The following MYO16 variants were observed in gnomAD, a reference collection of about 807,000 sequenced individuals.
The protein encoded by MYO16 is unconventional myosin-XVI.
Under a neutral mutation model 205.3 loss-of-function variants are expected in MYO16, and 94 were observed. The observed-to-expected ratio is 0.46, with a 90% confidence interval of 0.39 to 0.54. The LOEUF (loss-of-function observed/expected upper bound fraction) is 0.54. Ranked by LOEUF, MYO16 falls within the 20% of genes least tolerant of loss-of-function variation. The pLI, the probability that MYO16 is intolerant of heterozygous loss-of-function variation, is 0.00. For missense variants in MYO16, 2,315 were observed against 2,387.5 expected, an observed-to-expected ratio of 0.97 and a Z score of 0.63; for synonymous variants, 988 against 954.0, an observed-to-expected ratio of 1.04 and a Z score of -0.66.
At chr13:109,138,911 G>T (rs1876906400) in intron 31 of MYO16, among the ~76,000 whole-genome samples, 1 of 152,070 alleles carries the variant, frequency 6.6e-6, no homozygotes, top group Non-Finnish European at 1.5e-5. Flanking sequence ...TCTGCCTCCT[G>T]GGTTCAAGCA....
the MYO16 span, among the ~76,000 whole-genome samples, chr13:108,540,950 T>G: frequency 6.6e-6 from 1 of 152,186 alleles, no homozygotes; most frequent in African/African-American, 2.4e-5. Context: ...CTTTATTATA[T>G]TGATCAGAAT....
At chr13:109,006,939 C>A (rs1885405861) in intron 21 of MYO16, among the ~76,000 whole-genome samples, 1 of 152,080 alleles carries the variant, frequency 6.6e-6, no homozygotes, top group East Asian at 1.9e-4. Flanking sequence ...GGGGAGGAAG[C>A]AGCCAGTGAG....
intron 34 of MYO16, among the ~76,000 whole-genome samples, chr13:109,183,890 C>T (rs1434413430): frequency 2.0e-5 from 3 of 152,154 alleles, no homozygotes; most frequent in Admixed American, 6.5e-5. Context: ...AATTGATTCA[C>T]ATCAAAAAGC....
chr13:108,797,942 T>C (rs1886841546), intron 6 of MYO16, among the ~76,000 whole-genome samples: 1 of 152,238 alleles, frequency 6.6e-6, no homozygotes, highest in Non-Finnish European at 1.5e-5. Context: ...GTTTTTACTT[T>C]CCTTGTGACC....
intron 3 of MYO16, among the ~76,000 whole-genome samples, chr13:108,720,238 A>G (rs1476005701): frequency 1.3e-5 from 2 of 152,208 alleles, no homozygotes; most frequent in African/African-American, 4.8e-5. Flanking sequence ...GTGGCAGAGA[A>G]GTGGACGAGA....
At chr13:108,613,127 G>T (rs750510174) in intron 1 of MYO16, among the ~76,000 whole-genome samples, 4 of 152,060 alleles carry the variant, frequency 2.6e-5, no homozygotes, top group African/African-American at 7.2e-5. Flanking sequence ...AACAAATTGG[G>T]CACGTTGTCT....
chr13:109,099,249 G>A (rs1342109045), intron 27 of MYO16, among the ~76,000 whole-genome samples: 6 of 152,072 alleles, frequency 3.9e-5, no homozygotes, highest in African/African-American at 1.4e-4. Flanking sequence ...TAAGAAAATC[G>A]CTCAAATTTG....
intron 32 of MYO16, among the ~76,000 whole-genome samples, chr13:109,163,521 C>G (rs1343028503): frequency 2.1e-5 from 3 of 142,182 alleles, no homozygotes; most frequent in Non-Finnish European, 4.6e-5. Flanking sequence ...CCTCCCACCT[C>G]CCTCCTTCCC....
chr13:109,074,897 A>C (rs570118334), intron 27 of MYO16, among the ~76,000 whole-genome samples: 8 of 152,316 alleles, frequency 5.3e-5, no homozygotes, highest in Non-Finnish European at 1.2e-4. Flanking sequence ...TTTGGGTGGG[A>C]GCACAGAGCC....
chr13:109,153,897 T>C (rs60954268), intron 32 of MYO16, among the ~76,000 whole-genome samples: 34,366 of 152,228 alleles, frequency 0.23, 4,203 homozygotes, highest in Middle Eastern at 0.3. Context: ...GTGAATCCAC[T>C]GGAAGCTTAG....
chr13:108,504,078 G>A, the MYO16 span, among the ~76,000 whole-genome samples: 19,252 of 152,066 alleles, frequency 0.13, 1,375 homozygotes, highest in East Asian at 0.22. Flanking sequence ...TGTTAACTAT[G>A]TGGGCATTGT....
At chr13:108,789,430 C>T (rs960779889) in intron 5 of MYO16, among the ~76,000 whole-genome samples, 3 of 152,098 alleles carry the variant, frequency 2.0e-5, no homozygotes, top group Admixed American at 2.0e-4. Flanking sequence ...TCAGAGGACT[C>T]CCAGGTGAAT....
At chr13:108,979,873 A>C (rs1304313837) in intron 20 of MYO16, among the ~76,000 whole-genome samples, 2 of 152,158 alleles carry the variant, frequency 1.3e-5, no homozygotes, top group African/African-American at 4.8e-5. Flanking sequence ...TTAAATTATC[A>C]GATAATAAAT....
At chr13:108,640,684 C>CAG (rs144886099) in intron 1 of MYO16, among the ~76,000 whole-genome samples, 19,552 of 152,056 alleles carry the variant, frequency 0.13, 1,723 homozygotes, top group South Asian at 0.25. Context: ...CCTGTATTTA[C>CAG]AGAGTGAACC....
the MYO16 span, among the ~76,000 whole-genome samples, chr13:108,581,105 T>C: frequency 0.24 from 37,012 of 152,080 alleles, 4,812 homozygotes; most frequent in Middle Eastern, 0.29. Context: ...CCTGTGTGCA[T>C]ATGATGAATA....
intron 33 of MYO16, among the ~76,000 whole-genome samples, chr13:109,176,397 TA>T (rs1879177780): frequency 6.6e-6 from 1 of 151,830 alleles, no homozygotes. Context: ...ATTGTTCTTT[TA>T]AAATACACAT....
intron 2 of MYO16, among the ~76,000 whole-genome samples, chr13:108,676,406 T>TGTGTGTGC (rs1014807300): frequency 1.4e-4 from 21 of 148,868 alleles, no homozygotes; most frequent in Middle Eastern, 3.4e-3. Flanking sequence ...TGTGTGTGTG[T>TGTGTGTGC]GCCAGCCATC....
In MYO16 at chr13:108,692,423, A is replaced by G. The variant is rs1926499; in HGVS notation, c.293-20238A>G. The stretch of plus-strand genomic sequence containing the variant: ...AAAATAAAATGCTCTTCATGCGAGG[A>G]CATCAAATACTGTTGATTTTGCCTT... On this transcript the variant is annotated intron_variant, in intron 2 of 34. Transcript: ENST00000457511. Among the ~76,000 whole-genome samples the G allele has an allele frequency of 6.2e-3, 948 of 152,334 alleles. 6 individuals carry two copies. Among genetic ancestry groups the G allele is most frequent in the African/African-American group, 0.021 (866 of 41,578 alleles).
At chr13:108,565,271 A>G in the MYO16 span, among the ~76,000 whole-genome samples, 12 of 152,316 alleles carry the variant, frequency 7.9e-5, no homozygotes, top group East Asian at 2.3e-3. Flanking sequence ...TACTTTCAGT[A>G]GTAGGGACAT....
Sources: gnomAD v4.1 joint callset for allele counts (sites outside exome capture counted in the v4.1 genomes callset) on GRCh38, gnomAD v4.1.1 for gene constraint, MANE v1.5 for transcripts, NCBI Gene and HGNC (gene_info 2026-07-23, HGNC 2026-07-21) for gene names.